EDIL3: variants seen among roughly 807,000 people sequenced by gnomAD.
The protein encoded by EDIL3 is EGF like and discoidin domains 3, also known as EGF-like repeat and discoidin I-like domain-containing protein 3.
In EDIL3, 37 loss-of-function variants were observed where a neutral mutation model predicts 67.4. That is an observed-to-expected ratio of 0.55 (90% CI 0.42 to 0.72). The LOEUF is 0.72. Ranked by LOEUF, EDIL3 falls within the 30% of genes least tolerant of loss-of-function variation. EDIL3 has a pLI of 0.00. For synonymous variants in EDIL3, 195 were observed against 196.3 expected, an observed-to-expected ratio of 0.99 and a Z score of 0.05; for missense variants, 527 against 586.3, an observed-to-expected ratio of 0.90 and a Z score of 1.04.
At chr5:84,230,762 G>GGTGTGTGTGTGTGT (rs1183189172) in intron 2 of EDIL3, among the ~76,000 whole-genome samples, 2 of 32,796 alleles carry the variant, frequency 6.1e-5, no homozygotes, top group Non-Finnish European at 1.3e-4. Context: ...CCCACTACGT[G>GGTGTGTGTGTGTGT]ATGTGTGTGT....
chr5:84,340,534 C>CTCTCTATATATATA (rs1432966515), intron 1 of EDIL3, among the ~76,000 whole-genome samples: 2 of 54,206 alleles, frequency 3.7e-5, no homozygotes, highest in African/African-American at 6.2e-5. Flanking sequence ...CTCTCTCTCT[C>CTCTCTATATATATA]TATATATATA....
intron 1 of EDIL3, among the ~76,000 whole-genome samples, chr5:84,260,944 A>G (rs1279865028): frequency 6.6e-6 from 1 of 152,254 alleles, no homozygotes; most frequent in African/African-American, 2.4e-5. Context: ...ATACATACTT[A>G]CATATGGAAA....
Position 83,963,299 on chromosome 5 carries a change from C to A in EDIL3, c.1199G>T (p.Gly400Val). 6.2e-7 allele frequency: 1 copy of A among 1,610,324 alleles called. No individual in the cohort carries two copies. The highest frequency in any genetic ancestry group is 1.1e-5 in the South Asian group (1 of 90,896). ...GTAGGAGCCAACAAACTGTACATGA[C>A]CAAAATCTTTAGCTCCTTGTGTAAT... is the stretch of plus-strand genomic sequence containing the variant. ...GIITQGAKDF[G>V]HVQFVGSYKL... The change falls in exon 10 of 11, where the codon GGT (glycine) becomes GTT (valine). Residue 400 changes from glycine to valine, a missense_variant. Gly to Val is a moderately radical substitution (Grantham distance 109). This residue lies in a region of EDIL3 where 494 missense variants were observed against 522.5 expected (regional missense o/e 0.95). Transcript: ENST00000296591.
At chr5:84,234,811 A>G (rs1429619486) in intron 2 of EDIL3, among the ~76,000 whole-genome samples, 1 of 152,162 alleles carries the variant, frequency 6.6e-6, no homozygotes, top group Non-Finnish European at 1.5e-5. Flanking sequence ...TCAAGCATAT[A>G]ATTATCTAGT....
At chr5:84,221,160 A>G (rs1218793026) in intron 3 of EDIL3, among the ~76,000 whole-genome samples, 1 of 152,188 alleles carries the variant, frequency 6.6e-6, no homozygotes, top group African/African-American at 2.4e-5. Flanking sequence ...AGATATTAAC[A>G]CATGCAACTG....
At chr5:84,313,716 A>G (rs1746451794) in intron 1 of EDIL3, among the ~76,000 whole-genome samples, 1 of 152,216 alleles carries the variant, frequency 6.6e-6, no homozygotes. Context: ...TGCCCAGGCC[A>G]CATCTCCGAC....
At chr5:84,352,167 G>A (rs953777902) in intron 1 of EDIL3, among the ~76,000 whole-genome samples, 6 of 151,928 alleles carry the variant, frequency 3.9e-5, no homozygotes, top group Non-Finnish European at 1.5e-5. Context: ...CAGAGAAAGG[G>A]GAATTCTTAT....
At chr5:84,242,800 A>AAT (rs1744824717) in intron 2 of EDIL3, among the ~76,000 whole-genome samples, 2 of 127,356 alleles carry the variant, frequency 1.6e-5, no homozygotes, top group South Asian at 5.6e-4. Flanking sequence ...TCTTAAAAAA[A>AAT]AAAAAAAAAA....
At chr5:83,990,122 A>T (rs188220968) in intron 9 of EDIL3, among the ~76,000 whole-genome samples, 175 of 152,144 alleles carry the variant, frequency 1.2e-3, no homozygotes, top group African/African-American at 4.1e-3. Context: ...CCAGGTCTGG[A>T]CTCCTGAGTC....
chr5:84,120,833 T>A (rs1331148998), intron 5 of EDIL3, among the ~76,000 whole-genome samples: 1 of 151,920 alleles, frequency 6.6e-6, no homozygotes, highest in Non-Finnish European at 1.5e-5. Context: ...CTGCACACTC[T>A]GAAGCCTGTT....
chr5:84,020,414 A>G (rs964479356), intron 9 of EDIL3, among the ~76,000 whole-genome samples: 11 of 152,094 alleles, frequency 7.2e-5, no homozygotes, highest in African/African-American at 2.7e-4. Context: ...TCTTATTACA[A>G]TCTAGCAATC....
chr5:84,073,880 G>A lies in EDIL3; in HGVS notation c.652-7274C>T, dbSNP rs976879373. On this transcript the variant is annotated intron_variant, in intron 6 of 10. Coordinates refer to ENST00000296591, the MANE Select transcript of EDIL3 (RefSeq NM_005711.5). ...TTCATATGGAACCAAAAAAGAGCCT[G>A]CATTGCCAAGTCAATCCTAAGCCAA... is the stretch of plus-strand genomic sequence containing the variant. Among the ~76,000 whole-genome samples the A allele has an allele frequency of 2.0e-5, 3 of 152,152 alleles. No individual in the cohort carries two copies. The East Asian group carries it at 5.8e-4, about 29-fold the overall frequency.
chr5:84,009,195 A>G (rs1478655009), intron 9 of EDIL3, among the ~76,000 whole-genome samples: 1 of 151,588 alleles, frequency 6.6e-6, no homozygotes, highest in East Asian at 1.9e-4. Flanking sequence ...ATTTTCCCAA[A>G]ATAAAAAAAA....
chr5:84,192,567 TATTCCC>T (rs1432599190), intron 3 of EDIL3, among the ~76,000 whole-genome samples: 3 of 152,042 alleles, frequency 2.0e-5, no homozygotes, highest in African/African-American at 7.2e-5. Flanking sequence ...TGTTTATTTT[TATTCCC>T]TTCACAAGTT....
chr5:84,140,147 G>A (rs942158742), intron 4 of EDIL3, among the ~76,000 whole-genome samples: 5 of 152,240 alleles, frequency 3.3e-5, no homozygotes, highest in Admixed American at 2.0e-4. Context: ...ATGGACTTGA[G>A]AAATGAATAA....
intron 9 of EDIL3, among the ~76,000 whole-genome samples, chr5:84,025,692 G>A (rs1745798624): frequency 6.6e-6 from 1 of 152,102 alleles, no homozygotes; most frequent in African/African-American, 2.4e-5. Context: ...CTGAAGTCAT[G>A]CACTTGCCAA....
intron 5 of EDIL3, among the ~76,000 whole-genome samples, chr5:84,115,259 A>G (rs1183875060): frequency 6.6e-6 from 1 of 152,194 alleles, no homozygotes; most frequent in East Asian, 1.9e-4. Context: ...ACATTTATAA[A>G]GTCACAAATG....
At chr5:84,226,198 T>C (rs1187440673) in intron 3 of EDIL3, among the ~76,000 whole-genome samples, 1 of 151,500 alleles carries the variant, frequency 6.6e-6, no homozygotes. Flanking sequence ...TGAAACAAAA[T>C]GGTGAAATAA....
At chr5:84,261,275 T>TA (rs1290885264) in intron 1 of EDIL3, among the ~76,000 whole-genome samples, 2 of 152,194 alleles carry the variant, frequency 1.3e-5, no homozygotes, top group African/African-American at 2.4e-5. Context: ...CCTTATGACT[T>TA]ACTACCTGTG....
Sources: allele counts gnomAD v4.1 joint callset (sites outside exome capture counted in the v4.1 genomes callset), GRCh38; gene constraint gnomAD v4.1.1; regional missense constraint gnomAD v4.1.1; transcripts MANE v1.5; gene names NCBI Gene and HGNC (gene_info 2026-07-23, HGNC 2026-07-21).